ZBTB20: variants seen among roughly 807,000 people sequenced by gnomAD.
ZBTB20 encodes zinc finger and BTB domain-containing protein 20.
ZBTB20 carries 9 observed loss-of-function variants against 56.9 expected under a neutral mutation model. The observed-to-expected ratio is 0.16, with a 90% CI of 0.10 to 0.28. ZBTB20 has a LOEUF of 0.28. Ranked by LOEUF, ZBTB20 falls within the 10% of genes least tolerant of loss-of-function variation. The probability of loss-of-function intolerance (pLI) is 1.00; values close to 1 mark genes in which losing one functional copy is unlikely to be tolerated. For synonymous variants in ZBTB20, 417 were observed against 420.7 expected, an observed-to-expected ratio of 0.99 and a Z score of 0.11; for missense variants, 655 against 1,003.0, an observed-to-expected ratio of 0.65 and a Z score of 4.69.
intron 6 of ZBTB20, among the ~76,000 whole-genome samples, chr3:114,685,520 T>TC (rs763628062): frequency 3.3e-5 from 5 of 152,300 alleles, no homozygotes; most frequent in East Asian, 1.9e-4. Flanking sequence ...GGACTCTGCT[T>TC]CAATAAGTAA....
intron 6 of ZBTB20, among the ~76,000 whole-genome samples, chr3:114,532,626 G>A (rs2047985841): frequency 6.6e-6 from 1 of 152,208 alleles, no homozygotes. Context: ...CCATCACAGA[G>A]CTCGAGCTCT....
At chr3:114,470,833 G>GCTA (rs2040042719) in intron 7 of ZBTB20, among the ~76,000 whole-genome samples, 1 of 152,042 alleles carries the variant, frequency 6.6e-6, no homozygotes, top group Admixed American at 6.6e-5. Flanking sequence ...GGTTATCAGA[G>GCTA]CTATCATATT....
intron 2 of ZBTB20, among the ~76,000 whole-genome samples, chr3:115,057,242 T>G (rs556062316): frequency 6.6e-6 from 1 of 152,250 alleles, no homozygotes; most frequent in East Asian, 1.9e-4. Flanking sequence ...GTATTTCTTT[T>G]CTGTCCCATG....
intron 6 of ZBTB20, among the ~76,000 whole-genome samples, chr3:114,625,611 TG>T (rs1214922196): frequency 1.3e-5 from 2 of 151,790 alleles, no homozygotes; most frequent in Non-Finnish European, 2.9e-5. Context: ...TGAGCTTGGG[TG>T]GGGGTAGAGA....
chr3:114,962,357 C>T (rs1004487675), intron 3 of ZBTB20, among the ~76,000 whole-genome samples: 8 of 151,940 alleles, frequency 5.3e-5, no homozygotes, highest in Non-Finnish European at 1.0e-4. Context: ...AATAAGTAAC[C>T]CCACCCAGAT....
intron 2 of ZBTB20, among the ~76,000 whole-genome samples, chr3:114,986,213 C>G (rs1169344143): frequency 6.6e-6 from 1 of 152,050 alleles, no homozygotes; most frequent in Non-Finnish European, 1.5e-5. Context: ...TCAGGTCACT[C>G]TTATCACTGC....
rs766072754 is a variant in ZBTB20, at chr3:114,339,216, G to C, written c.2015C>G (p.Ser672Cys). The change falls in exon 12 of 12, where the codon TCT becomes TGT. Residue 672 changes from serine to cysteine, a missense_variant. Physicochemically the swap from Ser to Cys is moderately radical, Grantham distance 112. Around this residue, in one of 10 missense-constraint regions of ZBTB20, gnomAD observed 15 missense variants for 35.8 expected, o/e 0.42. Transcript: ENST00000675478. The surrounding 1 kb of genome is among the most constrained non-coding windows in gnomAD (Gnocchi z 4.2). The part of the protein sequence containing the change: ...YECYICKKKF[S>C]HKTLLERHVA... Reference sequence around the variant, plus strand: ...GTGTCGCTCCAGGAGGGTCTTGTGAGAGAACTTCTTTTTGCAGATGTAGCA... The same window carrying C: ...GTGTCGCTCCAGGAGGGTCTTGTGACAGAACTTCTTTTTGCAGATGTAGCA... The C allele has an allele frequency of 6.2e-7, 1 of 1,614,232 alleles. No individual in the cohort carries two copies. The highest frequency in any genetic ancestry group is 8.5e-7 in the Non-Finnish European group (1 of 1,180,040).
chr3:114,506,251 G>T (rs1466485969), intron 6 of ZBTB20, among the ~76,000 whole-genome samples: 1 of 151,850 alleles, frequency 6.6e-6, no homozygotes, highest in African/African-American at 2.4e-5. Flanking sequence ...CTAAAAAATG[G>T]CCTGCCTTCA....
At chr3:114,839,688 T>G (rs974829834) in intron 4 of ZBTB20, among the ~76,000 whole-genome samples, 8 of 152,178 alleles carry the variant, frequency 5.3e-5, no homozygotes, top group Admixed American at 2.6e-4. Flanking sequence ...TAAGGATTTC[T>G]AGATGAGGTA....
At chr3:115,077,030 C>T (rs1471843698) in intron 1 of ZBTB20, among the ~76,000 whole-genome samples, 1 of 152,124 alleles carries the variant, frequency 6.6e-6, no homozygotes, top group East Asian at 1.9e-4. Context: ...GCTCACTGGC[C>T]GGACACTCAC....
At chr3:114,401,910 C>T (rs571763159) in intron 7 of ZBTB20, among the ~76,000 whole-genome samples, 70 of 152,214 alleles carry the variant, frequency 4.6e-4, no homozygotes, top group African/African-American at 1.6e-3. Flanking sequence ...AACATATATA[C>T]GTCCATTTCC....
At chr3:114,824,037 A>T (rs1359088016) in intron 4 of ZBTB20, among the ~76,000 whole-genome samples, 1 of 152,008 alleles carries the variant, frequency 6.6e-6, no homozygotes, top group Non-Finnish European at 1.5e-5. Context: ...TGCCAGGGAC[A>T]TTTTTGTGAA....
intron 3 of ZBTB20, among the ~76,000 whole-genome samples, chr3:114,916,671 T>C (rs949760619): frequency 1.3e-5 from 2 of 152,138 alleles, no homozygotes; most frequent in Non-Finnish European, 2.9e-5. Context: ...GGTATACTAT[T>C]ATAGGGTAAG....
At chr3:114,728,659 G>A (rs1021685010) in intron 5 of ZBTB20, among the ~76,000 whole-genome samples, 9 of 152,142 alleles carry the variant, frequency 5.9e-5, no homozygotes, top group Admixed American at 2.0e-4. Context: ...AAATAAAACC[G>A]TGAATAGTGG....
At chr3:114,530,311 A>G (rs2047697957) in intron 6 of ZBTB20, among the ~76,000 whole-genome samples, 2 of 152,154 alleles carry the variant, frequency 1.3e-5, no homozygotes, top group African/African-American at 4.8e-5. Flanking sequence ...CAATGTTTAG[A>G]TATGTTTAGA....
chr3:114,952,844 G>A (rs11916036), intron 3 of ZBTB20, among the ~76,000 whole-genome samples: 19,684 of 151,890 alleles, frequency 0.13, 2,845 homozygotes, highest in African/African-American at 0.36. Context: ...AACATTTGCT[G>A]AAAGGAAGCT....
At chr3:114,977,278 C>A (rs958484442) in intron 2 of ZBTB20, among the ~76,000 whole-genome samples, 1 of 152,124 alleles carries the variant, frequency 6.6e-6, no homozygotes, top group Non-Finnish European at 1.5e-5. Context: ...TCTTTGTTGT[C>A]CTGAAATGAA....
chr3:114,465,638 C>G (rs1004012212), intron 7 of ZBTB20, among the ~76,000 whole-genome samples: 1 of 151,336 alleles, frequency 6.6e-6, no homozygotes, highest in Non-Finnish European at 1.5e-5. Context: ...ACCCAGGAGC[C>G]GGAGGTTGCA....
chr3:114,905,652 G>A (rs533968226), intron 3 of ZBTB20, among the ~76,000 whole-genome samples: 22 of 151,986 alleles, frequency 1.4e-4, no homozygotes, highest in East Asian at 1.4e-3. Flanking sequence ...AATCACATTC[G>A]TAAACAAGTT....
Sources: gnomAD v4.1 joint callset for allele counts (sites outside exome capture counted in the v4.1 genomes callset) on GRCh38, gnomAD v4.1.1 for gene constraint, gnomAD v4.1.1 regional missense constraint, Gnocchi (gnomAD v3.1) non-coding constraint, MANE v1.5 for transcripts, NCBI Gene and HGNC (gene_info 2026-07-23, HGNC 2026-07-21) for gene names.